The following SAMD5 variants were observed in gnomAD, a reference collection of about 807,000 sequenced individuals.
SAMD5 encodes the protein sterile alpha motif domain containing 5, also known as sterile alpha motif domain-containing protein 5.
A neutral mutation model predicts 11.3 loss-of-function variants in SAMD5; 13 were observed. The ratio of observed to expected loss-of-function variants is 1.15; its 90% CI spans 0.75 to 1.83. The LOEUF is 1.83. Among genes scored for constraint, SAMD5 ranks in the 40% most tolerant of loss-of-function variants. The pLI is 0.00. For missense variants in SAMD5, 255 were observed against 239.1 expected, an observed-to-expected ratio of 1.07 and a Z score of -0.44; for synonymous variants, 129 against 111.3, an observed-to-expected ratio of 1.16 and a Z score of -1.00.
chr6:147,624,886 A>AG lies in SAMD5; in HGVS notation c.163-112431_163-112430insG, dbSNP rs1790028628. 2.0e-5 allele frequency among the ~76,000 whole-genome samples: 3 copies of AG among 152,004 alleles called. No homozygotes were observed. In the South Asian group the frequency reaches 6.2e-4, roughly 32 times the overall value. On this transcript the variant is annotated intron_variant, in intron 1 of 1. Coordinates refer to the SAMD5 transcript ENST00000566741. Reference sequence around the variant, plus strand: ...AAACCTATGGAAATAAAAAATTAAAAAAAAAACTATTAAAAAACTAAAACA... The same window carrying AG: ...AAACCTATGGAAATAAAAAATTAAAAGAAAAAACTATTAAAAAACTAAAACA...
At position 147,509,315 on chromosome 6, in the gene SAMD5, G is replaced by T; in HGVS notation, c.387G>T (p.Lys129Asn). 5 of 1,581,806 alleles carry T rather than the reference G, an allele frequency of 3.2e-6. No individual in the cohort carries two copies. The highest frequency in any genetic ancestry group is 4.3e-6 in the Non-Finnish European group (5 of 1,165,972). Reference protein sequence around the residue: ...SRELVSYPKLKLKIMIRDKLV... With the variant: ...SRELVSYPKLNLKIMIRDKLV... Reference sequence around the variant, plus strand: ...AGCTGGTGAGCTACCCCAAACTGAAGCTGAAGATCATGATCAGGGATAAGC... The same window carrying T: ...AGCTGGTGAGCTACCCCAAACTGAATCTGAAGATCATGATCAGGGATAAGC... The change falls in exon 1 of 2, where the codon AAG (lysine) becomes AAT (asparagine). Residue 129 changes from lysine (K) to asparagine (N), a missense_variant. Transcript: ENST00000367474.
At chr6:147,586,909 G>A (rs1052251115) in intron 1 of SAMD5, among the ~76,000 whole-genome samples, 19 of 151,870 alleles carry the variant, frequency 1.3e-4, no homozygotes, top group Admixed American at 1.3e-4. Context: ...ACAATTATTT[G>A]TACATAAATT....
Position 147,724,553 on chromosome 6 carries a change from C to G in SAMD5, c.163-12764C>G, listed in dbSNP as rs73787391. Reference sequence around the variant, plus strand: ...AAGTACTATTGAACTATCTTTCTTGCCAATATTAAAAAGAAGAAAATTCTT... The same window carrying G: ...AAGTACTATTGAACTATCTTTCTTGGCAATATTAAAAAGAAGAAAATTCTT... On this transcript the variant is annotated intron_variant, in intron 1 of 1. Transcript: ENST00000566741. Among the ~76,000 whole-genome samples, 99 of 152,094 alleles carry G rather than the reference C, an allele frequency of 6.5e-4. 1 individual carries two copies. The highest frequency in any genetic ancestry group is 2.3e-3 in the African/African-American group (94 of 41,496).
At chr6:147,663,609 A>C (rs1790675446) in intron 1 of SAMD5, among the ~76,000 whole-genome samples, 1 of 141,560 alleles carries the variant, frequency 7.1e-6, no homozygotes, top group Admixed American at 7.4e-5. Flanking sequence ...ACATGGCGGA[A>C]ACCCTGTGTC....
At chr6:147,878,623 A>C in the SAMD5 span, among the ~76,000 whole-genome samples, 1 of 147,650 alleles carries the variant, frequency 6.8e-6, no homozygotes, top group East Asian at 2.0e-4. Flanking sequence ...ATATATATGT[A>C]TATATATCTA....
chr6:147,558,320 C>T (rs1418412880), intron 1 of SAMD5, among the ~76,000 whole-genome samples: 1 of 152,132 alleles, frequency 6.6e-6, no homozygotes, highest in Non-Finnish European at 1.5e-5. Context: ...TCCAAAGACC[C>T]ACCATATTTT....
At chr6:147,649,874 C>T (rs894815799) in intron 1 of SAMD5, among the ~76,000 whole-genome samples, 12 of 151,538 alleles carry the variant, frequency 7.9e-5, no homozygotes, top group African/African-American at 2.7e-4. Flanking sequence ...GCTCAGTGAC[C>T]GCTCTCCCCA....
intron 1 of SAMD5, among the ~76,000 whole-genome samples, chr6:147,677,305 T>G (rs1018803821): frequency 4.6e-5 from 7 of 152,166 alleles, no homozygotes; most frequent in African/African-American, 1.7e-4. Flanking sequence ...AGAGCCACTC[T>G]GAAGTTCCTG....
intron 1 of SAMD5, among the ~76,000 whole-genome samples, chr6:147,633,583 G>A (rs561012026): frequency 5.9e-5 from 9 of 152,168 alleles, no homozygotes; most frequent in African/African-American, 1.2e-4. Context: ...ACTGGTATTA[G>A]CGTGGAAGTA....
the SAMD5 span, among the ~76,000 whole-genome samples, chr6:147,778,633 GC>G: frequency 6.6e-6 from 1 of 152,214 alleles, no homozygotes; most frequent in African/African-American, 2.4e-5. Context: ...TTAACACAGA[GC>G]TTTGATTGGG....
At chr6:147,671,529 A>G (rs574231163) in intron 1 of SAMD5, among the ~76,000 whole-genome samples, 28 of 152,324 alleles carry the variant, frequency 1.8e-4, no homozygotes, top group African/African-American at 6.5e-4. Flanking sequence ...TAACATACAG[A>G]GTTTCTACCA....
At chr6:147,678,556 ACT>A (rs144670743) in intron 1 of SAMD5, among the ~76,000 whole-genome samples, 17,472 of 151,970 alleles carry the variant, frequency 0.11, 1,098 homozygotes, top group African/African-American at 0.16. Context: ...GTCTACCAAA[ACT>A]CTCTTTTCTG....
chr6:147,659,791 C>T (rs1002965703), intron 1 of SAMD5, among the ~76,000 whole-genome samples: 4 of 151,998 alleles, frequency 2.6e-5, no homozygotes, highest in African/African-American at 9.7e-5. Context: ...TCCATTCCAC[C>T]CCTCCCCATC....
chr6:147,760,244 A>G, the SAMD5 span, among the ~76,000 whole-genome samples: 24 of 152,160 alleles, frequency 1.6e-4, no homozygotes, highest in Non-Finnish European at 2.9e-4. Context: ...TCTCCCTTCT[A>G]CCACCATCTG....
the SAMD5 span, among the ~76,000 whole-genome samples, chr6:147,849,851 T>C: frequency 6.6e-5 from 10 of 152,186 alleles, no homozygotes; most frequent in Non-Finnish European, 1.2e-4. Flanking sequence ...GTATGCTGCA[T>C]AGCATTGAAG....
intron 1 of SAMD5, among the ~76,000 whole-genome samples, chr6:147,673,217 A>ATT (rs34581819): frequency 6.9e-5 from 10 of 144,656 alleles, no homozygotes; most frequent in African/African-American, 1.0e-4. Flanking sequence ...AGCAAAAACC[A>ATT]TTTTTTTTTT....
At chr6:147,760,075 AACAT>A in the SAMD5 span, among the ~76,000 whole-genome samples, 2 of 152,164 alleles carry the variant, frequency 1.3e-5, no homozygotes, top group African/African-American at 4.8e-5. Context: ...TTTTCAGGTA[AACAT>A]ACGGAATTAT....
chr6:147,859,109 T>TGTCG, the SAMD5 span, among the ~76,000 whole-genome samples: 1 of 152,180 alleles, frequency 6.6e-6, no homozygotes, highest in African/African-American at 2.4e-5. Flanking sequence ...TTTTGGGAAT[T>TGTCG]GTCGAGTAAA....
At chr6:147,726,509 G>A (rs766618905) in intron 1 of SAMD5, among the ~76,000 whole-genome samples, 16 of 151,780 alleles carry the variant, frequency 1.1e-4, no homozygotes, top group Non-Finnish European at 2.1e-4. Context: ...TGTATGCCAG[G>A]CCTGCCTGGG....
Sources: gnomAD v4.1 joint callset for allele counts (sites outside exome capture counted in the v4.1 genomes callset) on GRCh38, gnomAD v4.1.1 for gene constraint, MANE v1.5 for transcripts, NCBI Gene and HGNC (gene_info 2026-07-23, HGNC 2026-07-21) for gene names.